Variants in GPHN observed in about 807,000 individuals in gnomAD.
GPHN encodes the protein gephyrin.
In GPHN, 17 loss-of-function variants were observed where a neutral mutation model predicts 95.5. The ratio of observed to expected loss-of-function variants is 0.18; its 90% CI spans 0.12 to 0.27. The LOEUF is 0.27. Ranked by LOEUF, GPHN falls within the 10% of genes least tolerant of loss-of-function variation. The pLI, the probability that GPHN is intolerant of heterozygous loss-of-function variation, is 1.00. For missense variants in GPHN, 660 were observed against 978.1 expected (o/e 0.67, Z 4.34); for synonymous variants, 320 against 322.5 (o/e 0.99, Z 0.08).
the GPHN span, among the ~76,000 whole-genome samples, chr14:67,492,446 A>G: frequency 6.6e-6 from 1 of 152,220 alleles, no homozygotes; most frequent in Non-Finnish European, 1.5e-5. Flanking sequence ...TCAGTCAGAA[A>G]AAAGAGGCAG....
chr14:67,131,468 A>C (rs2079702492), intron 17 of GPHN, among the ~76,000 whole-genome samples: 1 of 152,176 alleles, frequency 6.6e-6, no homozygotes, highest in African/African-American at 2.4e-5. Flanking sequence ...ACTTTCAATT[A>C]TACAACAGTC....
the GPHN span, among the ~76,000 whole-genome samples, chr14:67,478,486 T>C: frequency 6.6e-6 from 1 of 152,244 alleles, no homozygotes; most frequent in African/African-American, 2.4e-5. Flanking sequence ...TTCCTTCTAA[T>C]TCACTCATCA....
At chr14:67,199,725 A>G in the GPHN span, 23,929 of 1,576,002 alleles carry the variant, frequency 0.015, 217 homozygotes, top group Non-Finnish European at 0.018. Context: ...TCTGCCCCCA[A>G]TCCTGTGGTA....
chr14:66,553,787 G>T (rs1396598737), intron 1 of GPHN, among the ~76,000 whole-genome samples: 1 of 152,054 alleles, frequency 6.6e-6, no homozygotes, highest in Non-Finnish European at 1.5e-5. Context: ...TTGTTGGCCA[G>T]GATGGTCTCC....
the GPHN span, chr14:67,201,401 A>C: frequency 4.4e-6 from 2 of 455,822 alleles, no homozygotes; most frequent in Non-Finnish European, 8.8e-6. Flanking sequence ...GAAGACCCCA[A>C]TTCTCTCTTT....
intron 9 of GPHN, among the ~76,000 whole-genome samples, chr14:66,983,576 G>C (rs2070823788): frequency 1.3e-5 from 2 of 152,148 alleles, no homozygotes; most frequent in South Asian, 4.1e-4. Flanking sequence ...GCTTTCTAAG[G>C]TTTTCCTCTT....
At chr14:67,653,577 G>A in the GPHN span, 1 of 1,250,530 alleles carries the variant, frequency 8.0e-7, no homozygotes, top group Non-Finnish European at 1.1e-6. Context: ...ATTAACAGTA[G>A]GCATTAAGGG....
At chr14:66,802,165 C>T (rs188751487) in intron 3 of GPHN, among the ~76,000 whole-genome samples, 204 of 152,270 alleles carry the variant, frequency 1.3e-3, no homozygotes, top group African/African-American at 4.7e-3. Context: ...GCTGAGCTTG[C>T]CCTCAAACCG....
chr14:67,521,106 T>G, the GPHN span, among the ~76,000 whole-genome samples: 1 of 152,200 alleles, frequency 6.6e-6, no homozygotes, highest in African/African-American at 2.4e-5. Context: ...AGCAAGAGGC[T>G]CTGAAAAGTA....
chr14:66,539,409 CTTTTTTTTT>C (rs1000117893), intron 1 of GPHN, among the ~76,000 whole-genome samples: 7 of 101,844 alleles, frequency 6.9e-5, no homozygotes, highest in African/African-American at 2.6e-4. Context: ...TTTCTACTTT[CTTTTTTTTT>C]TTTTTTTTTT....
intron 1 of GPHN, among the ~76,000 whole-genome samples, chr14:66,554,641 G>A (rs2059939603): frequency 1.3e-5 from 2 of 152,128 alleles, no homozygotes; most frequent in Admixed American, 6.5e-5. Flanking sequence ...CTTCCCAACA[G>A]TTTCCTCCCT....
At chr14:66,774,718 A>G (rs2059319124) in intron 2 of GPHN, among the ~76,000 whole-genome samples, 1 of 152,204 alleles carries the variant, frequency 6.6e-6, no homozygotes, top group Non-Finnish European at 1.5e-5. Context: ...GATTTTATAT[A>G]TGATTTCCAT....
intron 9 of GPHN, among the ~76,000 whole-genome samples, chr14:67,023,201 A>G (rs952019249): frequency 5.3e-5 from 8 of 152,106 alleles, no homozygotes; most frequent in African/African-American, 1.9e-4. Flanking sequence ...ATTAATTTAT[A>G]TACATACTAA....
intron 1 of GPHN, among the ~76,000 whole-genome samples, chr14:66,516,560 C>T (rs552352765): frequency 6.6e-6 from 1 of 152,168 alleles, no homozygotes; most frequent in South Asian, 2.1e-4. Context: ...TTCAGGGCAT[C>T]AGAAAATGAG....
the GPHN span, chr14:67,592,431 C>A: frequency 1.9e-6 from 1 of 536,012 alleles, no homozygotes; most frequent in Non-Finnish European, 3.4e-6. Flanking sequence ...AAGTGAGACT[C>A]TGTCTCTAAA....
the GPHN span, among the ~76,000 whole-genome samples, chr14:67,403,084 T>C: frequency 1.3e-5 from 2 of 152,242 alleles, no homozygotes; most frequent in South Asian, 2.1e-4. Flanking sequence ...CCAGAATTTG[T>C]ATTTGCCTGT....
intron 1 of GPHN, among the ~76,000 whole-genome samples, chr14:66,572,783 C>G (rs2060748810): frequency 6.6e-6 from 1 of 152,078 alleles, no homozygotes; most frequent in African/African-American, 2.4e-5. Flanking sequence ...CAAAGACTTC[C>G]ATTAACTACG....
chr14:67,440,886 A>G, the GPHN span, among the ~76,000 whole-genome samples: 1 of 152,094 alleles, frequency 6.6e-6, no homozygotes, highest in Non-Finnish European at 1.5e-5. Flanking sequence ...GGCAGGAGCA[A>G]GAGAAGGCAG....
At chr14:67,344,527 G>A in the GPHN span, among the ~76,000 whole-genome samples, 1 of 152,056 alleles carries the variant, frequency 6.6e-6, no homozygotes, top group Non-Finnish European at 1.5e-5. Context: ...ATGCACAAAC[G>A]ATGTTTATTT....
Sources: gnomAD v4.1 joint callset for allele counts (sites outside exome capture counted in the v4.1 genomes callset) on GRCh38, gnomAD v4.1.1 for gene constraint, MANE v1.5 for transcripts, NCBI Gene and HGNC (gene_info 2026-07-23, HGNC 2026-07-21) for gene names.